The following TRIO variants were observed in gnomAD, a reference collection of about 807,000 sequenced individuals.
TRIO encodes the protein trio Rho guanine nucleotide exchange factor, also known as triple functional domain protein.
Under a neutral mutation model 351.9 loss-of-function variants are expected in TRIO, and 58 were observed. The ratio of observed to expected loss-of-function variants is 0.16; its 90% CI spans 0.13 to 0.21. The LOEUF is 0.21. Among genes scored for constraint, TRIO ranks in the 10% least tolerant of loss-of-function variants. TRIO has a pLI of 1.00. For missense variants in TRIO, 3,201 were observed against 4,027.8 expected, an observed-to-expected ratio of 0.79 and a Z score of 5.56; for synonymous variants, 1,758 against 1,595.7, an observed-to-expected ratio of 1.10 and a Z score of -2.42.
intron 1 of TRIO, among the ~76,000 whole-genome samples, chr5:14,240,572 G>A (rs1157385696): frequency 6.6e-6 from 1 of 152,210 alleles, no homozygotes; most frequent in Non-Finnish European, 1.5e-5. Context: ...TCTAAGCCAA[G>A]CATCTGTTAA....
intron 1 of TRIO, among the ~76,000 whole-genome samples, chr5:14,231,833 G>A (rs1489813789): frequency 7.0e-6 from 1 of 142,656 alleles, no homozygotes; most frequent in Non-Finnish European, 1.5e-5. Flanking sequence ...ATAGGCATAA[G>A]CCAGTGACTG....
intron 8 of TRIO, among the ~76,000 whole-genome samples, chr5:14,306,788 C>G (rs553745262): frequency 6.6e-6 from 1 of 152,310 alleles, no homozygotes; most frequent in Non-Finnish European, 1.5e-5. Context: ...TTGCTCTCGG[C>G]AGTTTTCATT....
At chr5:14,328,054 T>C (rs746274206) in intron 9 of TRIO, among the ~76,000 whole-genome samples, 10 of 152,244 alleles carry the variant, frequency 6.6e-5, no homozygotes, top group Non-Finnish European at 1.3e-4. Flanking sequence ...TAAAATAATA[T>C]ACTCAATGCA....
intron 11 of TRIO, among the ~76,000 whole-genome samples, chr5:14,348,903 T>TTA (rs1742721953): frequency 7.2e-6 from 1 of 138,270 alleles, no homozygotes; most frequent in African/African-American, 2.7e-5. Flanking sequence ...TCCTGCATGT[T>TTA]TGTGTGTGTA....
chr5:14,231,106 G>T (rs1793399625), intron 1 of TRIO, among the ~76,000 whole-genome samples: 1 of 152,154 alleles, frequency 6.6e-6, no homozygotes, highest in African/African-American at 2.4e-5. Context: ...CAATCCAAAG[G>T]TTTAGGAATT....
In TRIO at chr5:14,483,841, A is replaced by T. The variant is rs554722787; in HGVS notation, c.6657+1068A>T. Among the ~76,000 whole-genome samples the T allele has an allele frequency of 1.4e-4, 21 of 152,088 alleles. No individual in the cohort carries two copies. The East Asian group carries it at 2.9e-3, about 21-fold the overall frequency. ...ACAGACCCTCTGGGCTCACCACTACACTTGAGCCTCCCATCCCCTGAACTG... is the reference window on the plus strand; with the variant it reads ...ACAGACCCTCTGGGCTCACCACTACTCTTGAGCCTCCCATCCCCTGAACTG... On this transcript the variant is annotated intron_variant, in intron 46 of 56. Coordinates refer to ENST00000344204, the MANE Select transcript of TRIO (RefSeq NM_007118.4).
At chr5:14,343,746 G>A (rs1009821506) in intron 11 of TRIO, among the ~76,000 whole-genome samples, 3 of 152,194 alleles carry the variant, frequency 2.0e-5, no homozygotes, top group Non-Finnish European at 2.9e-5. Context: ...AGGTTTTTGC[G>A]TGAACATGGT....
intron 34 of TRIO, among the ~76,000 whole-genome samples, chr5:14,426,054 C>G (rs1331433669): frequency 6.6e-6 from 1 of 152,160 alleles, no homozygotes; most frequent in Non-Finnish European, 1.5e-5. Flanking sequence ...TCTACCGTTA[C>G]TCTTATCACC....
chr5:14,231,980 T>C (rs1234716356), intron 1 of TRIO, among the ~76,000 whole-genome samples: 1 of 152,160 alleles, frequency 6.6e-6, no homozygotes, highest in Non-Finnish European at 1.5e-5. Context: ...TAAAGTCTAC[T>C]GGAGAACATA....
At chr5:14,164,028 C>G (rs1259102147) in intron 1 of TRIO, among the ~76,000 whole-genome samples, 2 of 152,140 alleles carry the variant, frequency 1.3e-5, no homozygotes, top group African/African-American at 2.4e-5. Context: ...TTCTTTGACT[C>G]CTTTTTTACT....
intron 1 of TRIO, among the ~76,000 whole-genome samples, chr5:14,218,383 G>GA (rs1366946901): frequency 2.0e-4 from 30 of 152,254 alleles, no homozygotes; most frequent in African/African-American, 7.2e-4. Flanking sequence ...GAGCACAGAA[G>GA]AAATAGTCCC....
chr5:14,493,084 TAACTC>T (rs1282461438), intron 49 of TRIO, among the ~76,000 whole-genome samples: 1 of 152,204 alleles, frequency 6.6e-6, no homozygotes, highest in Non-Finnish European at 1.5e-5. Context: ...GTGTTAGTCA[TAACTC>T]AAGAAAGTGT....
intron 11 of TRIO, among the ~76,000 whole-genome samples, chr5:14,348,966 GT>G (rs1014201530): frequency 1.2e-4 from 18 of 151,154 alleles, no homozygotes; most frequent in Non-Finnish European, 2.5e-4. Context: ...GAGCATGTGT[GT>G]TTTTCCTGTG....
At chr5:14,455,570 A>G (rs1477247829) in intron 34 of TRIO, among the ~76,000 whole-genome samples, 2 of 148,468 alleles carry the variant, frequency 1.3e-5, no homozygotes, top group African/African-American at 2.6e-5. Context: ...GCCCCACTAG[A>G]TTAGCTAGAC....
intron 5 of TRIO, among the ~76,000 whole-genome samples, chr5:14,291,486 A>G (rs553333955): frequency 6.6e-6 from 1 of 151,890 alleles, no homozygotes; most frequent in African/African-American, 2.4e-5. Context: ...GATAGGAATG[A>G]TATTTTCACT....
Position 14,270,884 on chromosome 5 carries a change from G to T in TRIO, c.217G>T (p.Val73Phe), listed in dbSNP as rs1158098621. The part of the protein sequence containing the change: ...MDVLPILKEK[V>F]AYLSGGRDKR... ...TGTTTTACCAATTTTGAAGGAAAAA[G>T]TTGCATACCTTTCAGGTAAAGTTTA... Residue 73 changes from valine (V) to phenylalanine (F), a missense_variant, in exon 2 of 57, where the codon GTT (valine) becomes TTT (phenylalanine). Transcript: ENST00000344204. 1 of 1,613,758 alleles carries T rather than the reference G, an allele frequency of 6.2e-7. No homozygotes were observed.
intron 1 of TRIO, among the ~76,000 whole-genome samples, chr5:14,166,243 C>T (rs531811154): frequency 9.3e-4 from 141 of 152,324 alleles, no homozygotes; most frequent in African/African-American, 3.3e-3. Context: ...TGCCCCAAGG[C>T]CCTGGGTCTG....
chr5:14,407,530 G>T (rs1214781625), intron 33 of TRIO, among the ~76,000 whole-genome samples: 2 of 152,228 alleles, frequency 1.3e-5, no homozygotes, highest in Non-Finnish European at 2.9e-5. Context: ...ACTCATGGCA[G>T]TGTAGAAGCG....
intron 34 of TRIO, among the ~76,000 whole-genome samples, chr5:14,427,471 C>G (rs1245602882): frequency 6.6e-6 from 1 of 152,202 alleles, no homozygotes. Flanking sequence ...AACCCCAGCA[C>G]GGGGGATACG....
Sources: allele counts gnomAD v4.1 joint callset (sites outside exome capture counted in the v4.1 genomes callset), GRCh38; gene constraint gnomAD v4.1.1; transcripts MANE v1.5; gene names NCBI Gene and HGNC (gene_info 2026-07-23, HGNC 2026-07-21).